TLE1: variants seen among roughly 807,000 people sequenced by gnomAD.
TLE1 encodes the protein transducin-like enhancer protein 1.
TLE1 carries 21 observed loss-of-function variants against 89.8 expected under a neutral mutation model. The observed-to-expected ratio is 0.23, with a 90% confidence interval of 0.17 to 0.34. The LOEUF (loss-of-function observed/expected upper bound fraction) is 0.34. Ranked by LOEUF, TLE1 falls within the 10% of genes least tolerant of loss-of-function variation. The probability of loss-of-function intolerance (pLI) is 1.00; values close to 1 mark genes in which losing one functional copy is unlikely to be tolerated. For synonymous variants in TLE1, 447 were observed against 407.6 expected, an observed-to-expected ratio of 1.10 and a Z score of -1.16; for missense variants, 795 against 1,031.2, an observed-to-expected ratio of 0.77 and a Z score of 3.14.
Position 81,652,079 on chromosome 9 carries a change from C to A in TLE1, c.372+135G>T. On this transcript the variant is annotated intron_variant, in intron 6 of 19. Transcript: ENST00000376499. ...CAAGTCTCTTCCTCTCCTCCTCCCACCCTTATCAAATAGGTCAACGTTAAG... is the reference window on the plus strand; with the variant it reads ...CAAGTCTCTTCCTCTCCTCCTCCCAACCTTATCAAATAGGTCAACGTTAAG... 1.3e-5 allele frequency: 11 copies of A among 840,144 alleles called. No homozygotes were observed. The South Asian group carries it at 2.1e-4, about 16-fold the overall frequency. 52.0% of individuals were successfully genotyped at this position (840,144 alleles called of 1,614,324 possible).
chr9:81,603,957 G>C (rs1831296738), intron 14 of TLE1, among the ~76,000 whole-genome samples: 1 of 152,068 alleles, frequency 6.6e-6, no homozygotes, highest in Non-Finnish European at 1.5e-5. Context: ...AGCCGAGATT[G>C]GGCCACTACA....
chr9:81,653,921 G>A, intron 5 of TLE1, 53 bp downstream of exon 5: 1 of 1,529,806 alleles, frequency 6.5e-7, no homozygotes, highest in Non-Finnish European at 9.1e-7. Flanking sequence ...TAGCTAATTT[G>A]CAAACAGAGA....
At chr9:81,631,906 C>T (rs1237935925) in intron 8 of TLE1, among the ~76,000 whole-genome samples, 1 of 152,118 alleles carries the variant, frequency 6.6e-6, no homozygotes, top group East Asian at 1.9e-4. Flanking sequence ...AGTTCCAGAC[C>T]AGCCTGACCA....
At chr9:81,632,518 A>T (rs1826802980) in intron 8 of TLE1, among the ~76,000 whole-genome samples, 1 of 150,414 alleles carries the variant, frequency 6.6e-6, no homozygotes, top group South Asian at 2.1e-4. Context: ...CACAGTCAAA[A>T]TACTGCTATG....
chr9:81,666,355 A>G (rs765465569), intron 4 of TLE1, among the ~76,000 whole-genome samples: 13 of 152,156 alleles, frequency 8.5e-5, no homozygotes, highest in Admixed American at 2.0e-4. Context: ...CTCTTCACAT[A>G]TCTTAGTCAT....
chr9:81,686,637 AG>A (rs1588282224), intron 2 of TLE1, among the ~76,000 whole-genome samples: 1 of 152,256 alleles, frequency 6.6e-6, no homozygotes, highest in Admixed American at 6.5e-5. Flanking sequence ...AAAACTTCAT[AG>A]GAACAAGGGA....
intron 6 of TLE1, among the ~76,000 whole-genome samples, chr9:81,648,526 C>T (rs1192962750): frequency 6.6e-6 from 1 of 152,060 alleles, no homozygotes; most frequent in African/African-American, 2.4e-5. Flanking sequence ...TATGTGTGTA[C>T]AGATATGTAT....
chr9:81,641,786 GC>G (rs1308652986), intron 6 of TLE1, among the ~76,000 whole-genome samples: 6 of 152,210 alleles, frequency 3.9e-5, no homozygotes, highest in Non-Finnish European at 8.8e-5. Context: ...ACTTTGGGAG[GC>G]CGAGGTGGAC....
intron 4 of TLE1, among the ~76,000 whole-genome samples, chr9:81,661,348 C>T (rs1424912570): frequency 6.6e-6 from 1 of 151,700 alleles, no homozygotes; most frequent in African/African-American, 2.4e-5. Context: ...CACTCCTCAG[C>T]GCCCGCACAC....
intron 6 of TLE1, among the ~76,000 whole-genome samples, chr9:81,643,610 T>C (rs1361402007): frequency 2.0e-5 from 3 of 150,598 alleles, no homozygotes; most frequent in Non-Finnish European, 4.4e-5. Flanking sequence ...TTTTATCTCA[T>C]TGCAGCCTTG....
chr9:81,645,109 C>A (rs1019975732), intron 6 of TLE1, among the ~76,000 whole-genome samples: 1 of 151,584 alleles, frequency 6.6e-6, no homozygotes, highest in African/African-American at 2.4e-5. Context: ...TCAGTAATCC[C>A]AGCACTTTGG....
In TLE1 at chr9:81,610,257, T is replaced by C. The variant is rs756776290; in HGVS notation, c.1294A>G (p.Ile432Val). 2.4e-5 allele frequency: 38 copies of C among 1,613,940 alleles called. No homozygotes were observed. Among genetic ancestry groups the C allele is most frequent in the South Asian group, 6.6e-5 (6 of 91,008 alleles). Residue 432 changes from isoleucine to valine, a missense_variant, in exon 14 of 20, where the codon ATT (isoleucine) becomes GTT (valine). This residue lies in a region of TLE1 where 468 missense variants were observed against 509.1 expected (regional missense o/e 0.92). Coordinates refer to ENST00000376499, the MANE Select transcript of TLE1 (RefSeq NM_005077.5). ...GGGATTCCTGCCAGGTTTGGAGGAATGGTAGGTACTCTCATGTGAGGGGGA... is the reference window on the plus strand; with the variant it reads ...GGGATTCCTGCCAGGTTTGGAGGAACGGTAGGTACTCTCATGTGAGGGGGA... ...DPPPHMRVPT[I>V]PPNLAGIPGG...
At chr9:81,667,905 T>C (rs1325082656) in intron 4 of TLE1, among the ~76,000 whole-genome samples, 3 of 152,190 alleles carry the variant, frequency 2.0e-5, no homozygotes, top group Non-Finnish European at 4.4e-5. Context: ...GGCTCACACC[T>C]GTAACCCCAG....
At chr9:81,588,628 A>C (rs1203414847) in intron 16 of TLE1, among the ~76,000 whole-genome samples, 1 of 152,188 alleles carries the variant, frequency 6.6e-6, no homozygotes, top group Non-Finnish European at 1.5e-5. Context: ...TCTGCTGAGC[A>C]CAGATGCTGT....
intron 5 of TLE1, among the ~76,000 whole-genome samples, chr9:81,653,082 G>A (rs1192990899): frequency 2.0e-5 from 3 of 152,174 alleles, no homozygotes; most frequent in Non-Finnish European, 1.5e-5. Context: ...ACATAGAGCC[G>A]TGGATCACTA....
chr9:81,633,244 ATGTC>A, intron 8 of TLE1, 100 bp downstream of exon 8: 1 of 1,573,784 alleles, frequency 6.4e-7, no homozygotes. Flanking sequence ...GAGAGTGTGC[ATGTC>A]TGTCTGTGCC....
At chr9:81,675,999 G>T (rs138107003) in intron 4 of TLE1, among the ~76,000 whole-genome samples, 9 of 152,106 alleles carry the variant, frequency 5.9e-5, no homozygotes, top group South Asian at 4.2e-4. Context: ...ACACCAGGCC[G>T]ACCCACACTA....
intron 4 of TLE1, among the ~76,000 whole-genome samples, chr9:81,677,858 A>T (rs889924624): frequency 5.3e-5 from 8 of 152,224 alleles, no homozygotes; most frequent in African/African-American, 1.9e-4. Context: ...ATGATCAGCA[A>T]GCTACATATA....
At chr9:81,634,019 C>T in intron 7 of TLE1, 78 bp downstream of exon 7, 1 of 1,468,190 alleles carries the variant, frequency 6.8e-7, no homozygotes, top group Non-Finnish European at 9.2e-7. Flanking sequence ...TTGGGGCTCT[C>T]TTTAGCGATG....
Sources: gnomAD v4.1 joint callset for allele counts (sites outside exome capture counted in the v4.1 genomes callset) on GRCh38, gnomAD v4.1.1 for gene constraint, gnomAD v4.1.1 regional missense constraint, MANE v1.5 for transcripts, NCBI Gene and HGNC (gene_info 2026-07-23, HGNC 2026-07-21) for gene names.